TRPA1: variants seen among roughly 807,000 people sequenced by gnomAD.
TRPA1 encodes transient receptor potential cation channel subfamily A member 1.
In TRPA1, 129 loss-of-function variants were observed where a neutral mutation model predicts 131.3. The observed-to-expected ratio is 0.98, with a 90% CI of 0.85 to 1.14. The LOEUF (loss-of-function observed/expected upper bound fraction) is 1.14. Ranked by LOEUF, TRPA1 falls within the 50% of genes most tolerant of loss-of-function variation. The pLI, the probability that TRPA1 is intolerant of heterozygous loss-of-function variation, is 0.00. For missense variants in TRPA1, 1,304 were observed against 1,354.2 expected (o/e 0.96, Z 0.58); for synonymous variants, 441 against 451.7 (o/e 0.98, Z 0.30).
chr8:72,056,197 C>T (rs937665004), intron 10 of TRPA1: 1 of 334,604 alleles, frequency 3.0e-6, no homozygotes, highest in African/African-American at 2.1e-5. Flanking sequence ...TTTCCTCCCA[C>T]CCCCAAATAA....
chr8:72,086,259 T>C, the TRPA1 span, among the ~76,000 whole-genome samples: 2 of 152,230 alleles, frequency 1.3e-5, no homozygotes, highest in Non-Finnish European at 2.9e-5. Context: ...CACTTAAGCT[T>C]AAGATTTTTA....
chr8:72,023,882 C>T lies in TRPA1; in HGVS notation c.3081G>A (p.Gly1027=). 2 of 1,595,040 alleles carry T rather than the reference C, an allele frequency of 1.3e-6. No homozygotes were observed. The highest frequency in any genetic ancestry group is 8.6e-7 in the Non-Finnish European group (1 of 1,163,402). The part of the protein sequence containing the change: ...FHIFCFLFCT[G]EIRQEIPNAD... ...CATTTGGTATTTCTTGTCTTATTTC[C>T]CCAGTGCAAAATAAAAAACAGAATA... The change falls in exon 26 of 27, where the codon GGG becomes GGA. Residue 1027 remains glycine, a synonymous_variant. Transcript: ENST00000262209.
chr8:72,044,452 G>A (rs888422210), intron 17 of TRPA1, among the ~76,000 whole-genome samples: 3 of 151,940 alleles, frequency 2.0e-5, no homozygotes, highest in African/African-American at 7.2e-5. Flanking sequence ...TTACGTTTCT[G>A]AAATCTTGTA....
chr8:72,039,138 T>C, intron 18 of TRPA1, 111 bp from the exon 19 acceptor site: 1 of 1,054,560 alleles, frequency 9.5e-7, no homozygotes, highest in Non-Finnish European at 1.4e-6. Context: ...GTTGGTAAAT[T>C]CACTGAAGCT....
intron 24 of TRPA1, among the ~76,000 whole-genome samples, chr8:72,028,184 G>C (rs1245476591): frequency 3.2e-4 from 49 of 152,144 alleles, no homozygotes; most frequent in Admixed American, 3.2e-3. Context: ...GATAATAACA[G>C]ATCACTATAA....
At chr8:72,070,695 T>C (rs1411162223) in intron 2 of TRPA1, among the ~76,000 whole-genome samples, 1 of 152,202 alleles carries the variant, frequency 6.6e-6, no homozygotes, top group Non-Finnish European at 1.5e-5. Flanking sequence ...GCCATCTGTC[T>C]CTTGATGTTG....
Position 72,029,978 on chromosome 8 carries a change from T to C in TRPA1, c.2869-9A>G. The C allele has an allele frequency of 6.2e-7, 1 of 1,612,758 alleles. No individual in the cohort carries two copies. Among genetic ancestry groups the C allele is most frequent in the Non-Finnish European group, 8.5e-7 (1 of 1,178,764 alleles). On this transcript the variant is annotated splice_polypyrimidine_tract_variant and intron_variant, in intron 23 of 26. Coordinates refer to ENST00000262209, the MANE Select transcript of TRPA1 (RefSeq NM_007332.3). ...CCAACTGCCAAACCAATCTGAAGTA[T>C]GACACAAAATTAAATCACTACAGTT...
rs1563386749 is a variant in TRPA1 at position 72,038,050 on chromosome 8, C to A, written c.2318G>T (p.Cys773Phe). 6.3e-7 allele frequency: 1 copy of A among 1,582,542 alleles called. No individual in the cohort carries two copies. The highest frequency in any genetic ancestry group is 1.7e-5 in the Admixed American group (1 of 59,478). Reference sequence around the variant, plus strand: ...ACTTGATAAAAACACTAAAATCATACAAGTTTTTATTAGATATGAATTCTA... The same window carrying A: ...ACTTGATAAAAACACTAAAATCATAAAAGTTTTTATTAGATATGAATTCTA... ...DTTNSYLIKT[C>F]MILVFLSSIF... The change falls in exon 20 of 27, where the codon TGT becomes TTT. Residue 773 changes from cysteine (C) to phenylalanine (F), a missense_variant. Cys to Phe is a radical substitution (Grantham distance 205, BLOSUM62 -2). Coordinates refer to ENST00000262209, the MANE Select transcript of TRPA1 (RefSeq NM_007332.3).
intron 17 of TRPA1, among the ~76,000 whole-genome samples, chr8:72,045,774 T>C (rs1812408564): frequency 6.6e-6 from 1 of 151,890 alleles, no homozygotes; most frequent in Non-Finnish European, 1.5e-5. Context: ...CTGTAGTTAT[T>C]TCAGTTTGAG....
chr8:72,082,368 T>C, the TRPA1 span, among the ~76,000 whole-genome samples: 61 of 152,162 alleles, frequency 4.0e-4, no homozygotes, highest in Non-Finnish European at 6.2e-4. Context: ...ATTTCACATT[T>C]TTAAAAGAAA....
chr8:72,076,501 A>G (rs1039901456), upstream of TRPA1: 2 of 152,304 alleles, frequency 1.3e-5, no homozygotes, highest in African/African-American at 4.8e-5. Flanking sequence ...TGTAGCTTTG[A>G]CAGTCTTTTG....
chr8:72,022,156 G>T lies in TRPA1; in HGVS notation c.*750C>A, dbSNP rs9298197. 0.59 allele frequency: 90,250 copies of T among 152,092 alleles called. 27,602 individuals carry two copies. Among genetic ancestry groups the T allele is most frequent in the East Asian group, 0.91 (4,690 of 5,176 alleles). The allele number at this position is 152,092 out of a possible 1,614,324, so 9.4% of individuals were successfully genotyped here. A position where few individuals can be genotyped will look rare whatever the true frequency, so the allele number is the denominator to read the frequency against. On this transcript the variant is annotated 3_prime_UTR_variant, in exon 27 of 27. Coordinates refer to ENST00000262209, the MANE Select transcript of TRPA1 (RefSeq NM_007332.3). ...AGGGAATATGTGATGGAGCCATGTT[G>T]TTTTCAAATCTCAAACAAAGGCTCA... is the stretch of plus-strand genomic sequence containing the variant.
chr8:72,042,423 G>C (rs1191944271), intron 17 of TRPA1, among the ~76,000 whole-genome samples: 1 of 151,906 alleles, frequency 6.6e-6, no homozygotes, highest in Non-Finnish European at 1.5e-5. Flanking sequence ...ACAAGTATTG[G>C]TGAGCATGCT....
chr8:72,039,611 CATTAAAA>C, intron 18 of TRPA1, 109 bp downstream of exon 18: 1 of 736,170 alleles, frequency 1.4e-6, no homozygotes, highest in Non-Finnish European at 2.3e-6. Context: ...AAAGTAAAAA[CATTAAAA>C]TAACAAAAGC....
chr8:72,061,752 A>G lies in TRPA1; in HGVS notation c.817T>C (p.Cys273Arg). ...GTGGCAGCAAAATGAATGGCTGTGCACCTTCCCTTCTGTAAAGGGTTTTAA... is the reference window on the plus strand; with the variant it reads ...GTGGCAGCAAAATGAATGGCTGTGCGCCTTCCCTTCTGTAAAGGGTTTTAA... ...AQIDPVEKGR[C>R]TAIHFAATQG... The change falls in exon 7 of 27, where the codon TGC (cysteine) becomes CGC (arginine). Residue 273 changes from cysteine (C) to arginine (R), a missense_variant. Transcript: ENST00000262209. The G allele has an allele frequency of 6.2e-7, 1 of 1,613,990 alleles. No homozygotes were observed. The highest frequency in any genetic ancestry group is 8.5e-7 in the Non-Finnish European group (1 of 1,179,910).
intron 23 of TRPA1, among the ~76,000 whole-genome samples, chr8:72,031,925 A>C (rs1048081035): frequency 6.6e-6 from 1 of 152,210 alleles, no homozygotes; most frequent in Non-Finnish European, 1.5e-5. Context: ...GAGTTAGTTA[A>C]TTGGAGAGGG....
chr8:72,052,657 G>A lies in TRPA1; in HGVS notation c.1753C>T (p.His585Tyr). 6.2e-7 allele frequency: 1 copy of A among 1,613,756 alleles called. No homozygotes were observed. The highest frequency in any genetic ancestry group is 8.5e-7 in the Non-Finnish European group (1 of 1,179,800). Residue 585 changes from histidine to tyrosine, a missense_variant, in exon 14 of 27, where the codon CAC becomes TAC. By Grantham distance (83) the His-to-Tyr change is moderately conservative (BLOSUM62 2). Transcript: ENST00000262209. ...VLNKQQASFLHLALHNKRKEV... is the reference protein window; with the variant it reads ...VLNKQQASFLYLALHNKRKEV... ...TTCCTCTTATTGTGAAGTGCAAGGT[G>A]CAAAAAGGAGGCCTGCTGCTTGTTC...
intron 10 of TRPA1, chr8:72,056,433 G>A (rs2129435662): frequency 6.0e-6 from 1 of 166,042 alleles, no homozygotes; most frequent in Middle Eastern, 3.0e-3. Context: ...AAAATATGAT[G>A]TATTTCACAT....
chr8:72,023,111 T>G lies in TRPA1; in HGVS notation c.3155A>C (p.Lys1052Thr). Residue 1052 changes from lysine (K) to threonine (T), a missense_variant, in exon 27 of 27, where the codon AAG becomes ACG. Lys to Thr is a moderately conservative substitution (Grantham distance 78, BLOSUM62 -1). Transcript: ENST00000262209. ...TTTTTCCAGGAGAAAAGTAAGATCC[T>G]TCAGCCTAAAAGGACATACACATTT... ...MEILKQKYRL[K>T]DLTFLLEKQH... 1 of 1,612,830 alleles carries G rather than the reference T, an allele frequency of 6.2e-7. No individual in the cohort carries two copies. The highest frequency in any genetic ancestry group is 8.5e-7 in the Non-Finnish European group (1 of 1,179,632).
Sources: gnomAD v4.1 joint callset for allele counts (sites outside exome capture counted in the v4.1 genomes callset) on GRCh38, gnomAD v4.1.1 for gene constraint, MANE v1.5 for transcripts, NCBI Gene and HGNC (gene_info 2026-07-23, HGNC 2026-07-21) for gene names.